The following TNRC18 variants were observed in gnomAD, a reference collection of about 807,000 sequenced individuals.
TNRC18 encodes trinucleotide repeat containing 18, also known as trinucleotide repeat-containing gene 18 protein.
Under a neutral mutation model 226.7 loss-of-function variants are expected in TNRC18, and 69 were observed. The observed-to-expected ratio is 0.30, with a 90% CI of 0.25 to 0.37. The LOEUF (loss-of-function observed/expected upper bound fraction) is 0.37, where lower values mean the gene tolerates loss of function less well. Ranked by LOEUF, TNRC18 falls within the 10% of genes least tolerant of loss-of-function variation. The probability of loss-of-function intolerance (pLI) is 1.00; values close to 1 mark genes in which losing one functional copy is unlikely to be tolerated. For synonymous variants in TNRC18, 2,449 were observed against 1,927.6 expected (o/e 1.27, Z -7.09); for missense variants, 4,754 against 4,256.6 (o/e 1.12, Z -3.25).
At position 5,331,695 on chromosome 7, in the gene TNRC18, G is replaced by C. The variant is rs554985200; in HGVS notation, c.6147+927C>G. Among the ~76,000 whole-genome samples the C allele has an allele frequency of 2.6e-5, 4 of 152,298 alleles. No homozygotes were observed. In the East Asian group the frequency reaches 7.7e-4, roughly 29 times the overall value. On this transcript the variant is annotated intron_variant, in intron 19 of 29. Transcript: ENST00000430969. Reference sequence around the variant, plus strand: ...TCAACACTTTGAGAGGCTGAGGCAGGAGAACAGAGTTTGAGACCAGCCTGG... The same window carrying C: ...TCAACACTTTGAGAGGCTGAGGCAGCAGAACAGAGTTTGAGACCAGCCTGG...
At chr7:5,362,143 G>C in intron 12 of TNRC18, 110 bp from the exon 13 acceptor site, 6 of 1,363,244 alleles carry the variant, frequency 4.4e-6, no homozygotes, top group Non-Finnish European at 5.0e-6. Context: ...CTGGGAGCTG[G>C]GGCTCGAGTC....
intron 2 of TNRC18, among the ~76,000 whole-genome samples, chr7:5,415,194 G>C (rs1194618518): frequency 1.3e-5 from 2 of 151,874 alleles, no homozygotes; most frequent in Non-Finnish European, 2.9e-5. Context: ...AGATACGCCA[G>C]GCTCTGACTT....
Position 5,377,061 on chromosome 7 carries a change from C to G in TNRC18, c.2462-68G>C. The G allele has an allele frequency of 6.6e-7, 1 of 1,524,676 alleles. No individual in the cohort carries two copies. Among genetic ancestry groups the G allele is most frequent in the Admixed American group, 2.3e-5 (1 of 42,982 alleles). The allele number at this position is 1,524,676 out of a possible 1,614,324, so 94.4% of individuals were successfully genotyped here. Reference sequence around the variant, plus strand: ...CAAGCGGTTTGTCCTCGGGCAGCCCCAGCCCAGCACCACCTCCCAAGTCCT... The same window carrying G: ...CAAGCGGTTTGTCCTCGGGCAGCCCGAGCCCAGCACCACCTCCCAAGTCCT... On this transcript the variant is annotated intron_variant, in intron 7 of 29. Transcript: ENST00000430969. The surrounding 1 kb of genome is among the most constrained non-coding windows in gnomAD (Gnocchi z 5.8).
At chr7:5,329,952 T>C (rs1254560666) in intron 19 of TNRC18, 1 of 471,142 alleles carries the variant, frequency 2.1e-6, no homozygotes, top group Admixed American at 2.3e-5. Context: ...GTCTGCCTTT[T>C]GATACTGTAG....
Position 5,377,038 on chromosome 7 carries a change from A to C in TNRC18, c.2462-45T>G. 6.5e-7 allele frequency: 1 copy of C among 1,543,728 alleles called. No homozygotes were observed. ...CCTGAGTCAGTGCTGGGAGCCCCCA[A>C]GCGGTTTGTCCTCGGGCAGCCCCAG... On this transcript the variant is annotated intron_variant, in intron 7 of 29. Transcript: ENST00000430969. This position sits in a 1 kb window ranked among gnomAD's most constrained non-coding sequence, Gnocchi z 5.8.
chr7:5,405,917 G>T (rs1781434508), intron 2 of TNRC18, among the ~76,000 whole-genome samples: 1 of 152,124 alleles, frequency 6.6e-6, no homozygotes, highest in Non-Finnish European at 1.5e-5. Flanking sequence ...AATAAAAATA[G>T]AAAAGTATGC....
chr7:5,325,466 G>A (rs1364848251), intron 19 of TNRC18: 46 of 512,162 alleles, frequency 9.0e-5, no homozygotes, highest in South Asian at 2.8e-4. Context: ...CTCTGTCACC[G>A]AGGCTGGAGC....
At chr7:5,419,483 C>T (rs1782402973) in intron 2 of TNRC18, among the ~76,000 whole-genome samples, 2 of 152,222 alleles carry the variant, frequency 1.3e-5, no homozygotes, top group Non-Finnish European at 2.9e-5. Context: ...ACACACATCA[C>T]GGTGGACTTG....
At position 5,308,040 on chromosome 7, in the gene TNRC18, T is replaced by C. The variant is rs1786736416; in HGVS notation, c.*66A>G. The C allele has an allele frequency of 3.5e-6, 5 of 1,439,758 alleles. No individual in the cohort carries two copies. The highest frequency in any genetic ancestry group is 4.7e-6 in the Non-Finnish European group (5 of 1,056,988). 89.2% of individuals were successfully genotyped at this position (1,439,758 alleles called of 1,614,324 possible). A position where few individuals can be genotyped will look rare whatever the true frequency, so the allele number is the denominator to read the frequency against. Reference sequence around the variant, plus strand: ...CACAACGCACGTGGTCTCCGCGCCATGGCAGTGATGGAGATGGGTCCCTGG... The same window carrying C: ...CACAACGCACGTGGTCTCCGCGCCACGGCAGTGATGGAGATGGGTCCCTGG... On this transcript the variant is annotated 3_prime_UTR_variant, in exon 30 of 30. Transcript: ENST00000430969.
chr7:5,404,387 C>G (rs116571308), intron 2 of TNRC18, among the ~76,000 whole-genome samples: 1,582 of 152,214 alleles, frequency 0.01, 36 homozygotes, highest in African/African-American at 0.036. Flanking sequence ...AAAAAAGAAT[C>G]CCAGGCAATT....
intron 5 of TNRC18, among the ~76,000 whole-genome samples, chr7:5,380,615 G>A (rs534984214): frequency 6.6e-6 from 1 of 152,240 alleles, no homozygotes; most frequent in Admixed American, 6.5e-5. Context: ...GGGCCTCCAG[G>A]GCTACCTGGA....
At chr7:5,320,460 C>T (rs1317350248) in intron 23 of TNRC18, 34 bp from the exon 24 acceptor site, 1 of 1,564,712 alleles carries the variant, frequency 6.4e-7, no homozygotes. Flanking sequence ...AAGGTGTGGA[C>T]ACAGTTATGG....
chr7:5,388,914 C>T lies in TNRC18; in HGVS notation c.910G>A (p.Gly304Ser). The T allele has an allele frequency of 4.4e-6, 6 of 1,363,518 alleles. No homozygotes were observed. Among genetic ancestry groups the T allele is most frequent in the Non-Finnish European group, 5.7e-6 (6 of 1,054,800 alleles). 84.5% of individuals were successfully genotyped at this position (1,363,518 alleles called of 1,614,324 possible). A position where few individuals can be genotyped will look rare whatever the true frequency, so the allele number is the denominator to read the frequency against. The change falls in exon 5 of 30, where the codon GGT (glycine) becomes AGT (serine). Residue 304 changes from glycine (G) to serine (S), a missense_variant. Coordinates refer to ENST00000430969, the MANE Select transcript of TNRC18 (RefSeq NM_001080495.3). ...PALVAEAGRG[G>S]AKEAARQDEG... The stretch of plus-strand genomic sequence containing the variant: ...TCCTGCCGGGCAGCCTCCTTGGCAC[C>T]CCCGCGCCCCGCTTCGGCCACCAGC...
chr7:5,410,382 T>C (rs1009100898), intron 2 of TNRC18, among the ~76,000 whole-genome samples: 5 of 145,758 alleles, frequency 3.4e-5, no homozygotes, highest in Non-Finnish European at 6.0e-5. Context: ...ATCTAACTAA[T>C]AGGAATACTA....
At chr7:5,357,377 T>C in intron 15 of TNRC18, 101 bp from the exon 16 acceptor site, 3 of 1,295,748 alleles carry the variant, frequency 2.3e-6, no homozygotes, top group Non-Finnish European at 3.1e-6. Flanking sequence ...ATCCTTCACC[T>C]GCCTCTGTGA....
intron 5 of TNRC18, among the ~76,000 whole-genome samples, chr7:5,379,019 C>T (rs1779206617): frequency 6.6e-6 from 1 of 151,786 alleles, no homozygotes; most frequent in Non-Finnish European, 1.5e-5. Flanking sequence ...CATGGCAAAA[C>T]ACCGTCTCTA....
At chr7:5,380,100 TCTC>T (rs760714812) in intron 5 of TNRC18, among the ~76,000 whole-genome samples, 12 of 152,106 alleles carry the variant, frequency 7.9e-5, no homozygotes, top group African/African-American at 2.4e-4. Context: ...GAATCAAGCT[TCTC>T]CTCTCATCTC....
At chr7:5,348,018 G>A (rs539515194) in intron 17 of TNRC18, among the ~76,000 whole-genome samples, 42 of 152,254 alleles carry the variant, frequency 2.8e-4, no homozygotes, top group African/African-American at 9.1e-4. Context: ...CTCTCTGGTC[G>A]GTGACTTAAG....
At position 5,377,475 on chromosome 7, in the gene TNRC18, G is replaced by T; in HGVS notation, c.2357C>A (p.Ala786Glu). Residue 786 changes from alanine to glutamate, a missense_variant, in exon 7 of 30, where the codon GCG (alanine) becomes GAG (glutamate). Physicochemically the swap from Ala to Glu is moderately radical, Grantham distance 107 (BLOSUM62 -1). Coordinates refer to ENST00000430969, the MANE Select transcript of TNRC18 (RefSeq NM_001080495.3). This position sits in a 1 kb window ranked among gnomAD's most constrained non-coding sequence, Gnocchi z 5.8. ...NLMVTGGPAL[A>E]GSGRWSADPA... ...GTCGGCAGACCAGCGACCTGAGCCC[G>T]CCAGCGCCGGGCCCCCCGTCACCAT... 6.3e-7 allele frequency: 1 copy of T among 1,581,050 alleles called. No individual in the cohort carries two copies. The highest frequency in any genetic ancestry group is 8.6e-7 in the Non-Finnish European group (1 of 1,164,744).
Sources: gnomAD v4.1 joint callset for allele counts (sites outside exome capture counted in the v4.1 genomes callset) on GRCh38, gnomAD v4.1.1 for gene constraint, Gnocchi (gnomAD v3.1) non-coding constraint, MANE v1.5 for transcripts, NCBI Gene and HGNC (gene_info 2026-07-23, HGNC 2026-07-21) for gene names.